SIM1: variants seen among roughly 807,000 people sequenced by gnomAD.
SIM1 encodes the protein single-minded homolog 1.
Under a neutral mutation model 78.2 loss-of-function variants are expected in SIM1, and 18 were observed. The ratio of observed to expected loss-of-function variants is 0.23; its 90% CI spans 0.16 to 0.34. The LOEUF (loss-of-function observed/expected upper bound fraction) is 0.34. SIM1 is among the 10% of genes least tolerant of loss of function. The pLI, the probability that SIM1 is intolerant of heterozygous loss-of-function variation, is 1.00. For missense variants in SIM1, 939 were observed against 975.1 expected (o/e 0.96, Z 0.49); for synonymous variants, 417 against 385.2 (o/e 1.08, Z -0.97).
intron 10 of SIM1, among the ~76,000 whole-genome samples, chr6:100,405,751 A>C (rs1047588678): frequency 7.2e-5 from 11 of 152,292 alleles, no homozygotes; most frequent in Admixed American, 6.5e-4. Flanking sequence ...AAAAAGTTAC[A>C]AAAATGTTCC....
In SIM1 at chr6:100,452,418, C is replaced by T. The variant is rs188301977; in HGVS notation, c.258+1344G>A. Among the ~76,000 whole-genome samples, 722 of 152,240 alleles carry T rather than the reference C, an allele frequency of 4.7e-3. 6 individuals are homozygous for T. The highest frequency in any genetic ancestry group is 0.022 in the Admixed American group (331 of 15,290). On this transcript the variant is annotated intron_variant, in intron 3 of 11. Coordinates refer to ENST00000369208, the MANE Select transcript of SIM1 (RefSeq NM_005068.3). ...CATGCGATTGCCCCTCCTAAATTTGCGGAATGAGTGAGCTTCATTAGGATA... is the reference window on the plus strand; with the variant it reads ...CATGCGATTGCCCCTCCTAAATTTGTGGAATGAGTGAGCTTCATTAGGATA...
At position 100,393,750 on chromosome 6, in the gene SIM1, T is replaced by C. The variant is rs773624275; in HGVS notation, c.1307A>G (p.Tyr436Cys). ...AGAGCTGCGGTCCGAAAACTGTCTG[T>C]AGGCGCACGATGCGTCGTGCTGGGA... is the stretch of plus-strand genomic sequence containing the variant. The part of the protein sequence containing the change: ...PGSQHDASCA[Y>C]RQFSDRSSLC... Residue 436 changes from tyrosine to cysteine, a missense_variant, in exon 11 of 12, where the codon TAC (tyrosine) becomes TGC (cysteine). This residue lies in a region of SIM1 where 556 missense variants were observed against 521.9 expected (regional missense o/e 1.07). Transcript: ENST00000369208. 8.7e-6 allele frequency: 14 copies of C among 1,614,208 alleles called. No individual in the cohort carries two copies. In the Admixed American group the frequency reaches 1.8e-4, roughly 21 times the overall value.
intron 10 of SIM1, among the ~76,000 whole-genome samples, chr6:100,402,565 CTCTTTT>C (rs1392612817): frequency 1.3e-4 from 14 of 106,152 alleles, no homozygotes; most frequent in Middle Eastern, 0.01. Context: ...CTTTTCTTTT[CTCTTTT>C]TTTTTTTTTT....
chr6:100,451,193 C>A (rs1449530626), intron 3 of SIM1, among the ~76,000 whole-genome samples: 1 of 152,120 alleles, frequency 6.6e-6, no homozygotes, highest in South Asian at 2.1e-4. Context: ...AGGCAGGGGG[C>A]CCAGAGCCTG....
intron 9 of SIM1, among the ~76,000 whole-genome samples, chr6:100,424,422 AT>A (rs1399894696): frequency 6.6e-6 from 1 of 151,600 alleles, no homozygotes; most frequent in Non-Finnish European, 1.5e-5. Flanking sequence ...GATTTGGTGA[AT>A]TTTTTTATTT....
intron 10 of SIM1, among the ~76,000 whole-genome samples, chr6:100,395,610 G>A (rs1770747251): frequency 6.6e-6 from 1 of 152,202 alleles, no homozygotes; most frequent in Non-Finnish European, 1.5e-5. Flanking sequence ...AACAGGGGTG[G>A]GCACATGTGG....
At chr6:100,415,370 C>A (rs1014242586) in intron 10 of SIM1, among the ~76,000 whole-genome samples, 1 of 152,244 alleles carries the variant, frequency 6.6e-6, no homozygotes, top group Middle Eastern at 3.4e-3. Flanking sequence ...ATGAAAAATA[C>A]ATTGCTATTT....
chr6:100,423,253 A>C (rs1458600342), intron 9 of SIM1, among the ~76,000 whole-genome samples: 1 of 152,178 alleles, frequency 6.6e-6, no homozygotes, highest in Non-Finnish European at 1.5e-5. Flanking sequence ...GTTGTCCCTG[A>C]ATTGACTTTA....
chr6:100,387,327 T>C lies in SIM1; in HGVS notation c.*3034A>G, dbSNP rs1770538287. ...GCCATATTAAGTTTAACTGATTAAA[T>C]TATCGGGAACGTAGTTATTTTATAT... is the stretch of plus-strand genomic sequence containing the variant. On this transcript the variant is annotated 3_prime_UTR_variant, in exon 12 of 12. Transcript: ENST00000369208. 1 of 152,070 alleles carries C rather than the reference T, an allele frequency of 6.6e-6. No individual in the cohort carries two copies. The highest frequency in any genetic ancestry group is 6.6e-5 in the Admixed American group (1 of 15,264). The allele number at this position is 152,070 out of a possible 1,614,324, so 9.4% of individuals were successfully genotyped here.
intron 2 of SIM1, among the ~76,000 whole-genome samples, chr6:100,460,724 C>T (rs1446427609): frequency 6.6e-6 from 1 of 152,246 alleles, no homozygotes; most frequent in African/African-American, 2.4e-5. Context: ...CTTCAGTCAA[C>T]ACTGAACTTA....
intron 10 of SIM1, among the ~76,000 whole-genome samples, chr6:100,410,659 G>A (rs375503011): frequency 2.0e-5 from 3 of 152,168 alleles, no homozygotes; most frequent in African/African-American, 7.2e-5. Context: ...GGTAGAGTGA[G>A]GCAGGCAATG....
intron 10 of SIM1, among the ~76,000 whole-genome samples, chr6:100,417,793 C>G (rs183749108): frequency 6.6e-6 from 1 of 152,266 alleles, no homozygotes; most frequent in Non-Finnish European, 1.5e-5. Flanking sequence ...TCTAGGTTAT[C>G]AACAACCCAT....
At chr6:100,439,540 A>G (rs956923181) in intron 9 of SIM1, among the ~76,000 whole-genome samples, 14 of 152,288 alleles carry the variant, frequency 9.2e-5, no homozygotes, top group African/African-American at 3.1e-4. Flanking sequence ...ACTTCATGTA[A>G]TCATGCAATT....
Position 100,390,091 on chromosome 6 carries a change from A to T in SIM1, c.*270T>A. ...TGTAGTATATATGCACACTTGATCT[A>T]CATGAATATTTTTCAAGTCAAAATT... On this transcript the variant is annotated 3_prime_UTR_variant, in exon 12 of 12. Transcript: ENST00000369208. 1 of 512,046 alleles carries T rather than the reference A, an allele frequency of 2.0e-6. No homozygotes were observed. The highest frequency in any genetic ancestry group is 3.4e-6 in the Non-Finnish European group (1 of 290,390). The allele number at this position is 512,046 out of a possible 1,614,324, so 31.7% of individuals were successfully genotyped here.
rs1771259594 is a variant in SIM1, at chr6:100,412,681, GAAAAAGAAAGAA to G, written c.1167+8097_1167+8108del. On this transcript the variant is annotated intron_variant, in intron 10 of 11. Transcript: ENST00000369208. ...AGAGAGAGAGAGAGAGAGAAAGAAA[GAAAAAGAAAGAA>G]AGAAAGAAAGAAAGAAAGAAAGAAA... 9.7e-5 allele frequency among the ~76,000 whole-genome samples: 7 copies of G among 72,344 alleles called. 1 individual carries two copies. Among genetic ancestry groups the G allele is most frequent in the African/African-American group, 3.2e-4 (6 of 18,762 alleles). 47.5% of individuals were successfully genotyped at this position (72,344 alleles called of 152,430 possible).
At chr6:100,396,657 CT>C (rs1285945225) in intron 10 of SIM1, among the ~76,000 whole-genome samples, 1 of 152,118 alleles carries the variant, frequency 6.6e-6, no homozygotes, top group African/African-American at 2.4e-5. Context: ...CACAGTAAAC[CT>C]TTGTTTTCAA....
At chr6:100,423,079 C>T (rs1009262565) in intron 9 of SIM1, among the ~76,000 whole-genome samples, 1 of 152,156 alleles carries the variant, frequency 6.6e-6, no homozygotes, top group African/African-American at 2.4e-5. Context: ...TTGGGAAGTC[C>T]GATCTCATCA....
chr6:100,422,699 A>G (rs372749720), intron 9 of SIM1, among the ~76,000 whole-genome samples: 23 of 152,248 alleles, frequency 1.5e-4, no homozygotes, highest in African/African-American at 4.8e-4. Flanking sequence ...ACACACACAC[A>G]CACACGCACA....
At chr6:100,404,836 C>T (rs1771016066) in intron 10 of SIM1, among the ~76,000 whole-genome samples, 1 of 152,096 alleles carries the variant, frequency 6.6e-6, no homozygotes, top group African/African-American at 2.4e-5. Flanking sequence ...AATAATGCAA[C>T]TTATTTTGCT....
Sources: allele counts gnomAD v4.1 joint callset (sites outside exome capture counted in the v4.1 genomes callset), GRCh38; gene constraint gnomAD v4.1.1; regional missense constraint gnomAD v4.1.1; transcripts MANE v1.5; gene names NCBI Gene and HGNC (gene_info 2026-07-23, HGNC 2026-07-21).